SNTG2: variants seen among roughly 807,000 people sequenced by gnomAD.
The protein encoded by SNTG2 is gamma-2-syntrophin.
In SNTG2, 74 loss-of-function variants were observed where a neutral mutation model predicts 70.9. That is an observed-to-expected ratio of 1.04 (90% CI 0.86 to 1.27). SNTG2 has a LOEUF of 1.27. Among genes scored for constraint, SNTG2 ranks in the 50% most tolerant of loss-of-function variants. SNTG2 has a pLI of 0.00. For synonymous variants in SNTG2, 278 were observed against 273.8 expected (o/e 1.02, Z -0.15); for missense variants, 717 against 690.7 (o/e 1.04, Z -0.43).
intron 9 of SNTG2, among the ~76,000 whole-genome samples, chr2:1,222,629 CGGT>C (rs1675388907): frequency 1.3e-3 from 2 of 1,484 alleles, no homozygotes; most frequent in Non-Finnish European, 3.5e-3. Context: ...TAGAGGAAAG[CGGT>C]GCAGTGATGG....
At chr2:1,135,706 G>T (rs958512680) in intron 4 of SNTG2, among the ~76,000 whole-genome samples, 1 of 152,222 alleles carries the variant, frequency 6.6e-6, no homozygotes, top group Admixed American at 6.5e-5. Flanking sequence ...TGGGTGACAA[G>T]TGCAAGACTC....
chr2:1,347,972 CT>C lies in SNTG2; in HGVS notation c.1489-19359del, dbSNP rs757179638. Among the ~76,000 whole-genome samples, 1,045 of 145,578 alleles carry C rather than the reference CT, an allele frequency of 7.2e-3. 3 individuals are homozygous for C. The highest frequency in any genetic ancestry group is 0.02 in the African/African-American group (798 of 40,080). ...TGGGTAAACAACTCAGAAACTGCCT[CT>C]TTTTTTTTTTTAAGGTCCTTTTGTA... On this transcript the variant is annotated intron_variant, in intron 16 of 16. Transcript: ENST00000308624.
chr2:958,114 C>T (rs1162229383), intron 1 of SNTG2, among the ~76,000 whole-genome samples: 1 of 152,128 alleles, frequency 6.6e-6, no homozygotes, highest in East Asian at 1.9e-4. Context: ...CCCACCTACA[C>T]ATAAGACTGT....
intron 4 of SNTG2, among the ~76,000 whole-genome samples, chr2:1,121,585 G>A (rs1558425722): frequency 1.3e-5 from 2 of 152,258 alleles, no homozygotes; most frequent in South Asian, 4.2e-4. Context: ...AGTTCCGCAT[G>A]GCTGGGGAGG....
rs1378872527 is a variant in SNTG2 at position 1,339,569 on chromosome 2, A to G, written c.1488+23194A>G. Among the ~76,000 whole-genome samples, 5 of 152,332 alleles carry G rather than the reference A, an allele frequency of 3.3e-5. No individual in the cohort carries two copies. The East Asian group carries it at 9.6e-4, about 29-fold the overall frequency. ...TTTTTATATTTTTCCAGACTCCAGG[A>G]GGAGGGCTTCCTGCCAGTTTTCCCT... On this transcript the variant is annotated intron_variant, in intron 16 of 16. Coordinates refer to ENST00000308624, the MANE Select transcript of SNTG2 (RefSeq NM_018968.4).
chr2:1,114,130 G>A (rs1309304648), intron 4 of SNTG2, among the ~76,000 whole-genome samples: 1 of 150,548 alleles, frequency 6.6e-6, no homozygotes, highest in Non-Finnish European at 1.5e-5. Flanking sequence ...AGGATCGTGT[G>A]TACTAAGTGA....
At chr2:1,092,128 A>T (rs1390008895) in intron 2 of SNTG2, among the ~76,000 whole-genome samples, 1 of 152,258 alleles carries the variant, frequency 6.6e-6, no homozygotes, top group Non-Finnish European at 1.5e-5. Context: ...GTTTTCTGAA[A>T]TAAAACTCTA....
At chr2:1,210,515 G>A (rs1673969799) in intron 9 of SNTG2, 2 of 152,152 alleles carry the variant, frequency 1.3e-5, no homozygotes, top group Non-Finnish European at 2.9e-5. Context: ...TAACCTCACA[G>A]TGAAAGATAT....
chr2:1,307,368 T>C (rs1041325259), intron 14 of SNTG2, among the ~76,000 whole-genome samples: 1 of 148,828 alleles, frequency 6.7e-6, no homozygotes, highest in Non-Finnish European at 1.5e-5. Flanking sequence ...TATGTGTGTG[T>C]GTATATATGG....
At chr2:1,205,344 A>C (rs1198014514) in intron 8 of SNTG2, among the ~76,000 whole-genome samples, 1 of 152,212 alleles carries the variant, frequency 6.6e-6, no homozygotes, top group Non-Finnish European at 1.5e-5. Flanking sequence ...TCGAGTTTTC[A>C]AAATGCACCC....
In SNTG2 at chr2:977,152, TTCC is replaced by T. The variant is rs150917005; in HGVS notation, c.72+26086_72+26088del. On this transcript the variant is annotated intron_variant, in intron 1 of 16. Transcript: ENST00000308624. ...AAAAGAGCAGTTGTGGGAGAGCCTG[TTCC>T]TATCACTGACAGGCAGTACACGCTG... 6.5e-3 allele frequency among the ~76,000 whole-genome samples: 989 copies of T among 152,362 alleles called. 10 individuals are homozygous for T. Among genetic ancestry groups the T allele is most frequent in the African/African-American group, 0.023 (939 of 41,588 alleles).
intron 1 of SNTG2, among the ~76,000 whole-genome samples, chr2:1,032,210 C>T (rs75370175): frequency 0.044 from 6,627 of 152,130 alleles, 186 homozygotes; most frequent in Non-Finnish European, 0.063. Context: ...CACGGGAGCA[C>T]GGCGCCTCAT....
chr2:1,073,019 A>G (rs1471676383), intron 1 of SNTG2, among the ~76,000 whole-genome samples: 1 of 152,238 alleles, frequency 6.6e-6, no homozygotes, highest in Non-Finnish European at 1.5e-5. Context: ...ACATTAATAG[A>G]TTAGGAATTG....
chr2:1,025,147 G>T (rs1660404908), intron 1 of SNTG2, among the ~76,000 whole-genome samples: 1 of 152,208 alleles, frequency 6.6e-6, no homozygotes, highest in Admixed American at 6.5e-5. Flanking sequence ...TTGCCTCAGT[G>T]TTTTCCCCTA....
chr2:1,289,555 C>T (rs1014307762), intron 14 of SNTG2, among the ~76,000 whole-genome samples: 2 of 152,170 alleles, frequency 1.3e-5, no homozygotes, highest in Admixed American at 6.5e-5. Flanking sequence ...TGCGTGAACT[C>T]GTGCCTATTT....
intron 7 of SNTG2, 57 bp from the exon 8 acceptor site, chr2:1,173,035 C>T: frequency 6.7e-7 from 1 of 1,494,140 alleles, no homozygotes; most frequent in African/African-American, 1.4e-5. Flanking sequence ...ACTGCATGGT[C>T]ACAGTGTGCT....
chr2:1,321,595 G>A (rs1315766018), intron 16 of SNTG2, among the ~76,000 whole-genome samples: 2 of 152,144 alleles, frequency 1.3e-5, no homozygotes, highest in Admixed American at 1.3e-4. Flanking sequence ...AGACTGAATC[G>A]AGGGTGCTGA....
intron 8 of SNTG2, among the ~76,000 whole-genome samples, chr2:1,183,178 G>A (rs1018166232): frequency 6.6e-6 from 1 of 152,188 alleles, no homozygotes; most frequent in Non-Finnish European, 1.5e-5. Flanking sequence ...ATATGCAGCA[G>A]TAGACTTTTT....
At chr2:1,081,262 C>A (rs1010069210) in intron 1 of SNTG2, among the ~76,000 whole-genome samples, 4 of 152,166 alleles carry the variant, frequency 2.6e-5, no homozygotes, top group African/African-American at 9.7e-5. Flanking sequence ...TCATCAGGCG[C>A]CCGTGTGTGA....
Sources: allele counts gnomAD v4.1 joint callset (sites outside exome capture counted in the v4.1 genomes callset), GRCh38; gene constraint gnomAD v4.1.1; transcripts MANE v1.5; gene names NCBI Gene and HGNC (gene_info 2026-07-23, HGNC 2026-07-21).